The following SLC9A9 variants were observed in gnomAD, a reference collection of about 807,000 sequenced individuals.
SLC9A9 encodes sodium/hydrogen exchanger 9.
SLC9A9 carries 62 observed loss-of-function variants against 77.8 expected under a neutral mutation model. The ratio of observed to expected loss-of-function variants is 0.80; its 90% confidence interval spans 0.65 to 0.98. SLC9A9 has a LOEUF of 0.98. Ranked by LOEUF, SLC9A9 falls within the 50% of genes least tolerant of loss-of-function variation. The pLI, the probability that SLC9A9 is intolerant of heterozygous loss-of-function variation, is 0.00. For synonymous variants in SLC9A9, 320 were observed against 283.5 expected (o/e 1.13, Z -1.29); for missense variants, 775 against 774.9 (o/e 1.00, Z 0.00).
chr3:143,794,575 A>C (rs1187486524), intron 4 of SLC9A9, among the ~76,000 whole-genome samples: 1 of 152,254 alleles, frequency 6.6e-6, no homozygotes, highest in Admixed American at 6.5e-5. Flanking sequence ...TCTGTTTCAG[A>C]CTGCTGTCTT....
At chr3:143,364,250 A>AT (rs1012479133) in intron 13 of SLC9A9, among the ~76,000 whole-genome samples, 8 of 151,504 alleles carry the variant, frequency 5.3e-5, no homozygotes, top group Admixed American at 2.6e-4. Context: ...AAGAAAGTGA[A>AT]TTTTTTTTTG....
At chr3:143,648,412 T>C (rs1426206158) in intron 6 of SLC9A9, among the ~76,000 whole-genome samples, 2 of 152,052 alleles carry the variant, frequency 1.3e-5, no homozygotes, top group African/African-American at 2.4e-5. Context: ...CAGTTCACAA[T>C]AGGGTTTGCG....
intron 4 of SLC9A9, among the ~76,000 whole-genome samples, chr3:143,730,299 A>G (rs951710938): frequency 1.1e-4 from 17 of 152,154 alleles, no homozygotes; most frequent in Non-Finnish European, 4.4e-5. Context: ...CTCAAACCCA[A>G]CTTCTCCTCC....
intron 14 of SLC9A9, among the ~76,000 whole-genome samples, chr3:143,281,826 C>T (rs908389064): frequency 2.0e-5 from 3 of 152,178 alleles, no homozygotes; most frequent in African/African-American, 7.2e-5. Flanking sequence ...GATCAGAGGC[C>T]TCCATCACGG....
chr3:143,524,690 T>A (rs965242332), intron 9 of SLC9A9, among the ~76,000 whole-genome samples: 1 of 152,204 alleles, frequency 6.6e-6, no homozygotes, highest in Admixed American at 6.5e-5. Context: ...AGCTATGATT[T>A]GAATATGGTT....
chr3:143,498,615 A>G (rs2035878939), intron 9 of SLC9A9, among the ~76,000 whole-genome samples: 1 of 152,058 alleles, frequency 6.6e-6, no homozygotes, highest in Admixed American at 6.6e-5. Context: ...AAAAGAAAGA[A>G]ATGTTTTTCT....
rs544312820 is a variant in SLC9A9, at chr3:143,659,879, A to T, written c.650-7519T>A. On this transcript the variant is annotated intron_variant, in intron 5 of 15. Transcript: ENST00000316549. ...GGACCCTGTGGGAGGTAATTAAATC[A>T]TGAGGAGCTGGTCTTTCCTGTGCTG... Among the ~76,000 whole-genome samples, 587 of 152,320 alleles carry T rather than the reference A, an allele frequency of 3.9e-3. 3 individuals are homozygous for T. Among genetic ancestry groups the T allele is most frequent in the African/African-American group, 0.013 (559 of 41,578 alleles).
intron 4 of SLC9A9, among the ~76,000 whole-genome samples, chr3:143,765,961 TAGA>T (rs2007300210): frequency 6.6e-6 from 1 of 152,214 alleles, no homozygotes; most frequent in African/African-American, 2.4e-5. Flanking sequence ...GCAAACCTGC[TAGA>T]AGATGAGAGG....
intron 14 of SLC9A9, among the ~76,000 whole-genome samples, chr3:143,332,312 C>T (rs2031797354): frequency 6.6e-6 from 1 of 152,294 alleles, no homozygotes; most frequent in East Asian, 1.9e-4. Flanking sequence ...AAAACCTCAA[C>T]CAACTTACTG....
chr3:143,450,626 G>T (rs998349989), intron 12 of SLC9A9, among the ~76,000 whole-genome samples: 2 of 152,088 alleles, frequency 1.3e-5, no homozygotes, highest in African/African-American at 4.8e-5. Context: ...AAAGATTACT[G>T]TTTGAAACAT....
chr3:143,620,975 G>A (rs11927396), intron 6 of SLC9A9, among the ~76,000 whole-genome samples: 4,313 of 152,252 alleles, frequency 0.028, 188 homozygotes, highest in African/African-American at 0.098. Flanking sequence ...TATATCCCGC[G>A]CCTGGCTCAG....
intron 4 of SLC9A9, among the ~76,000 whole-genome samples, chr3:143,720,766 A>G (rs1298106914): frequency 1.3e-5 from 2 of 151,590 alleles, no homozygotes; most frequent in Non-Finnish European, 2.9e-5. Flanking sequence ...AACAATGGAC[A>G]GAGTGCTGGA....
chr3:143,548,265 C>T (rs547945887), intron 9 of SLC9A9, among the ~76,000 whole-genome samples: 4 of 151,766 alleles, frequency 2.6e-5, no homozygotes, highest in South Asian at 2.1e-4. Context: ...TGGAGTTTGG[C>T]GCAGATAGCA....
intron 2 of SLC9A9, among the ~76,000 whole-genome samples, chr3:143,807,890 G>C (rs1464965641): frequency 1.3e-5 from 2 of 152,248 alleles, no homozygotes; most frequent in Non-Finnish European, 2.9e-5. Flanking sequence ...GTGCTGGGAG[G>C]TGATCCCAAA....
chr3:143,701,439 G>T (rs1285043673), intron 4 of SLC9A9, among the ~76,000 whole-genome samples: 1 of 152,108 alleles, frequency 6.6e-6, no homozygotes, highest in African/African-American at 2.4e-5. Context: ...AATTCTATCA[G>T]ATAAATTTAA....
intron 9 of SLC9A9, among the ~76,000 whole-genome samples, chr3:143,513,332 G>T (rs1174893592): frequency 6.6e-6 from 1 of 152,138 alleles, no homozygotes; most frequent in East Asian, 1.9e-4. Context: ...TCCATCTCAA[G>T]AAGCCACTTT....
At chr3:143,416,784 G>A (rs887230539) in intron 12 of SLC9A9, among the ~76,000 whole-genome samples, 1 of 152,136 alleles carries the variant, frequency 6.6e-6, no homozygotes, top group African/African-American at 2.4e-5. Flanking sequence ...TTGTATATGT[G>A]CACATATTAC....
intron 2 of SLC9A9, among the ~76,000 whole-genome samples, chr3:143,812,097 T>C (rs1212652407): frequency 6.6e-6 from 1 of 152,166 alleles, no homozygotes; most frequent in Non-Finnish European, 1.5e-5. Flanking sequence ...AAACTATGTT[T>C]ACTCAAACCT....
intron 14 of SLC9A9, among the ~76,000 whole-genome samples, chr3:143,299,003 T>C (rs530560843): frequency 6.6e-6 from 1 of 152,328 alleles, no homozygotes; most frequent in East Asian, 1.9e-4. Flanking sequence ...AATGCAGTGA[T>C]GGGTGAACAA....
Sources: gnomAD v4.1 joint callset for allele counts (sites outside exome capture counted in the v4.1 genomes callset) on GRCh38, gnomAD v4.1.1 for gene constraint, MANE v1.5 for transcripts, NCBI Gene and HGNC (gene_info 2026-07-23, HGNC 2026-07-21) for gene names.